Variants in KMT2C observed in about 807,000 individuals in gnomAD.
KMT2C encodes histone-lysine N-methyltransferase 2C.
A neutral mutation model predicts 507.9 loss-of-function variants in KMT2C; 88 were observed. That is an observed-to-expected ratio of 0.17 (90% CI 0.15 to 0.21). The LOEUF is 0.21. KMT2C is among the 10% of genes least tolerant of loss of function. The pLI is 1.00. For synonymous variants in KMT2C, 2,049 were observed against 2,080.8 expected (o/e 0.98, Z 0.42); for missense variants, 4,954 against 5,957.8 (o/e 0.83, Z 5.55).
At chr7:152,318,106 C>G (rs978230182) in intron 3 of KMT2C, among the ~76,000 whole-genome samples, 2 of 151,848 alleles carry the variant, frequency 1.3e-5, no homozygotes, top group Non-Finnish European at 2.9e-5. Flanking sequence ...CCACTGCACT[C>G]CAGCCTAGGC....
rs2094738935 is a variant in KMT2C, at chr7:152,220,756, G to A, written c.3500-21C>T. ...TGGGTCTAAAATTACAAAATCCCAA[G>A]GATACAAATTTAAACTTTCATTTCA... is the stretch of plus-strand genomic sequence containing the variant. On this transcript the variant is annotated intron_variant, in intron 22 of 58. Transcript: ENST00000262189. The A allele has an allele frequency of 5.1e-6, 8 of 1,553,518 alleles. No individual in the cohort carries two copies. In the East Asian group the frequency reaches 1.8e-4, roughly 35 times the overall value.
intron 1 of KMT2C, among the ~76,000 whole-genome samples, chr7:152,423,512 T>C (rs1172425550): frequency 6.6e-6 from 1 of 152,242 alleles, no homozygotes; most frequent in Non-Finnish European, 1.5e-5. Context: ...GACATGCATG[T>C]AATGTAATTG....
At chr7:152,255,136 T>TATATATATAC (rs1342236125) in intron 9 of KMT2C, among the ~76,000 whole-genome samples, 5 of 124,114 alleles carry the variant, frequency 4.0e-5, no homozygotes, top group Non-Finnish European at 8.1e-5. Flanking sequence ...TATATATATA[T>TATATATATAC]ATATATATAC....
At chr7:152,222,510 G>A in intron 21 of KMT2C, 63 bp downstream of exon 21, 6 of 798,984 alleles carry the variant, frequency 7.5e-6, no homozygotes, top group Non-Finnish European at 8.6e-6. Context: ...CATTGGTTAT[G>A]GACAGTAAGG....
intron 3 of KMT2C, among the ~76,000 whole-genome samples, chr7:152,329,765 C>T (rs1329247658): frequency 6.6e-6 from 1 of 151,368 alleles, no homozygotes; most frequent in African/African-American, 2.4e-5. Context: ...GATGGGAGTA[C>T]CAAACTGATG....
chr7:152,430,885 T>C (rs1223543467), intron 1 of KMT2C, among the ~76,000 whole-genome samples: 1 of 152,166 alleles, frequency 6.6e-6, no homozygotes, highest in African/African-American at 2.4e-5. Flanking sequence ...GGAAGGTCAA[T>C]GAAGTTTCAC....
rs745915006 is a variant in KMT2C at position 152,174,255 on chromosome 7, T to C, written c.9263-13A>G. 3 of 1,353,054 alleles carry C rather than the reference T, an allele frequency of 2.2e-6. No individual in the cohort carries two copies. Among genetic ancestry groups the C allele is most frequent in the Non-Finnish European group, 2.1e-6 (2 of 951,252 alleles). 83.8% of individuals were successfully genotyped at this position (1,353,054 alleles called of 1,614,324 possible). A position where few individuals can be genotyped will look rare whatever the true frequency, so the allele number is the denominator to read the frequency against. On this transcript the variant is annotated splice_polypyrimidine_tract_variant and intron_variant, in intron 38 of 58. Transcript: ENST00000262189. ...ATTGCATCAAAATCTAGAAAAGAAATATAAAGTTACTTATTTCATAGTAAT... is the reference window on the plus strand; with the variant it reads ...ATTGCATCAAAATCTAGAAAAGAAACATAAAGTTACTTATTTCATAGTAAT...
intron 4 of KMT2C, among the ~76,000 whole-genome samples, chr7:152,314,132 T>G (rs970115408): frequency 3.9e-5 from 6 of 152,304 alleles, no homozygotes; most frequent in Admixed American, 6.5e-5. Flanking sequence ...TTCCTTAAAC[T>G]GTTCCACCTT....
chr7:152,400,035 G>A (rs1247680114), intron 1 of KMT2C, among the ~76,000 whole-genome samples: 1 of 152,148 alleles, frequency 6.6e-6, no homozygotes, highest in Non-Finnish European at 1.5e-5. Flanking sequence ...GAGGCCGGGC[G>A]TGGGGGTTCA....
rs1335332880 is a variant in KMT2C at position 152,162,303 on chromosome 7, A to G, written c.11274T>C (p.Ser3758=). 6.2e-7 allele frequency: 1 copy of G among 1,613,954 alleles called. No individual in the cohort carries two copies. Among genetic ancestry groups the G allele is most frequent in the Non-Finnish European group, 8.5e-7 (1 of 1,180,022 alleles). ...CAGGGGCCCCAGCAGAATGGGGAGGACTCTGTGCTGAGGAGACAGGACAGG... is the reference window on the plus strand; with the variant it reads ...CAGGGGCCCCAGCAGAATGGGGAGGGCTCTGTGCTGAGGAGACAGGACAGG... ...AVACPVSSAQ[S]PPHSAGAPAA... is the part of the protein sequence containing the mutation. Residue 3758 remains serine (S), a synonymous_variant, in exon 43 of 59, where the codon AGT becomes AGC. Coordinates refer to ENST00000262189, the MANE Select transcript of KMT2C (RefSeq NM_170606.3).
chr7:152,217,192 T>C (rs943755885), intron 23 of KMT2C, among the ~76,000 whole-genome samples: 2 of 152,006 alleles, frequency 1.3e-5, no homozygotes, highest in African/African-American at 4.8e-5. Context: ...GGCAGTGTTA[T>C]TAGAAATCTC....
At chr7:152,291,970 T>C (rs956890984) in intron 6 of KMT2C, among the ~76,000 whole-genome samples, 1 of 152,340 alleles carries the variant, frequency 6.6e-6, no homozygotes, top group African/African-American at 2.4e-5. Context: ...ACTTTAATTA[T>C]AGCCTAATTT....
At chr7:152,363,843 G>C (rs908741609) in intron 1 of KMT2C, among the ~76,000 whole-genome samples, 6 of 152,180 alleles carry the variant, frequency 3.9e-5, no homozygotes, top group Non-Finnish European at 7.3e-5. Context: ...TGAAATCCCA[G>C]AAGACTGAAC....
chr7:152,258,721 T>TGTAAAAA (rs2095705701), intron 9 of KMT2C, among the ~76,000 whole-genome samples: 1 of 152,184 alleles, frequency 6.6e-6, no homozygotes, highest in African/African-American at 2.4e-5. Context: ...AGACAGGGTT[T>TGTAAAAA]CACCATGTTG....
intron 1 of KMT2C, among the ~76,000 whole-genome samples, chr7:152,419,040 ATTTG>A (rs1416555748): frequency 6.6e-6 from 1 of 152,022 alleles, no homozygotes; most frequent in African/African-American, 2.4e-5. Flanking sequence ...ACATAAAAAG[ATTTG>A]TTTTTCATTT....
intron 6 of KMT2C, among the ~76,000 whole-genome samples, chr7:152,274,493 G>A (rs2096043192): frequency 2.0e-5 from 3 of 152,154 alleles, no homozygotes; most frequent in African/African-American, 7.2e-5. Flanking sequence ...CCATTATCTT[G>A]CAAGTGGTAA....
intron 20 of KMT2C, among the ~76,000 whole-genome samples, chr7:152,223,426 G>A (rs1275907667): frequency 2.0e-5 from 3 of 151,880 alleles, no homozygotes; most frequent in Admixed American, 6.6e-5. Flanking sequence ...CATAAGAAAC[G>A]GCATAGATGA....
chr7:152,146,616 C>A lies in KMT2C; in HGVS notation c.14014G>T (p.Ala4672Ser). 1.2e-6 allele frequency: 2 copies of A among 1,614,206 alleles called. No individual in the cohort carries two copies. The highest frequency in any genetic ancestry group is 1.7e-6 in the Non-Finnish European group (2 of 1,180,030). ...ACACTCACTGATTCCGCTATGCGTG[C>A]CACTGCAGAGACGGTCAGGCCAAAC... Reference protein sequence around the residue: ...DLFGLTVSAVARIAESLPGVE... With the variant: ...DLFGLTVSAVSRIAESLPGVE... The change falls in exon 53 of 59, where the codon GCA becomes TCA. Residue 4672 changes from alanine (A) to serine (S), a missense_variant. Physicochemically the swap from Ala to Ser is moderately conservative, Grantham distance 99. This residue lies in a region of KMT2C where 221 missense variants were observed against 304.7 expected (regional missense o/e 0.73). Coordinates refer to ENST00000262189, the MANE Select transcript of KMT2C (RefSeq NM_170606.3).
At chr7:152,420,843 A>G (rs1481282162) in intron 1 of KMT2C, among the ~76,000 whole-genome samples, 3 of 151,816 alleles carry the variant, frequency 2.0e-5, no homozygotes, top group Non-Finnish European at 4.4e-5. Flanking sequence ...AAAAAAAAAA[A>G]GGCCTAATAT....
Sources: allele counts gnomAD v4.1 joint callset (sites outside exome capture counted in the v4.1 genomes callset), GRCh38; gene constraint gnomAD v4.1.1; regional missense constraint gnomAD v4.1.1; transcripts MANE v1.5; gene names NCBI Gene and HGNC (gene_info 2026-07-23, HGNC 2026-07-21).